CDK19: variants seen among roughly 807,000 people sequenced by gnomAD.
CDK19 encodes cyclin dependent kinase 19, also known as cyclin-dependent kinase 19.
In CDK19, 20 loss-of-function variants were observed where a neutral mutation model predicts 68.3. That is an observed-to-expected ratio of 0.29 (90% CI 0.21 to 0.43). CDK19 has a LOEUF of 0.43. Among genes scored for constraint, CDK19 ranks in the 20% least tolerant of loss-of-function variants. The pLI is 1.00. For missense variants in CDK19, 339 were observed against 623.5 expected (o/e 0.54, Z 4.86); for synonymous variants, 221 against 222.8 (o/e 0.99, Z 0.07).
At chr6:110,775,756 A>G (rs770547081) in intron 1 of CDK19, among the ~76,000 whole-genome samples, 127 of 152,376 alleles carry the variant, frequency 8.3e-4, no homozygotes, top group Admixed American at 4.5e-3. Context: ...AGAGAGAGGC[A>G]TATTATCTTC....
intron 2 of CDK19, among the ~76,000 whole-genome samples, chr6:110,718,561 C>A (rs1199826311): frequency 6.8e-6 from 1 of 147,394 alleles, no homozygotes; most frequent in African/African-American, 2.5e-5. Context: ...CCTAGAAAGG[C>A]AAGACTATTA....
At chr6:110,740,611 C>T (rs11755241) in intron 2 of CDK19, among the ~76,000 whole-genome samples, 28,923 of 152,100 alleles carry the variant, frequency 0.19, 2,821 homozygotes, top group South Asian at 0.24. Context: ...AGCTCTTTAA[C>T]TTATTTTCCC....
At chr6:110,712,100 G>A (rs1255068818) in intron 2 of CDK19, among the ~76,000 whole-genome samples, 1 of 152,172 alleles carries the variant, frequency 6.6e-6, no homozygotes, top group African/African-American at 2.4e-5. Context: ...CCCAAATGAT[G>A]TTATGTAGGC....
intron 12 of CDK19, among the ~76,000 whole-genome samples, chr6:110,617,660 TATACACACAC>T (rs1165574767): frequency 7.3e-4 from 49 of 66,822 alleles, no homozygotes; most frequent in Middle Eastern, 0.011. Context: ...TTTATATATA[TATACACACAC>T]ACACACACAC....
chr6:110,728,556 A>G (rs1404501421), intron 2 of CDK19, among the ~76,000 whole-genome samples: 1 of 150,344 alleles, frequency 6.7e-6, no homozygotes, highest in Non-Finnish European at 1.5e-5. Context: ...ATCTATTGAT[A>G]CCATAGTCAG....
At chr6:110,688,680 C>A (rs1178065166) in intron 2 of CDK19, among the ~76,000 whole-genome samples, 3 of 152,114 alleles carry the variant, frequency 2.0e-5, no homozygotes, top group Admixed American at 6.5e-5. Flanking sequence ...AGCACAGGAG[C>A]TGATTTAGGG....
chr6:110,742,642 C>CT (rs1777768007), intron 2 of CDK19, among the ~76,000 whole-genome samples: 1 of 152,132 alleles, frequency 6.6e-6, no homozygotes, highest in African/African-American at 2.4e-5. Context: ...GGGGGGAGGT[C>CT]TATAAACGGC....
intron 2 of CDK19, among the ~76,000 whole-genome samples, chr6:110,696,866 C>G (rs1272095573): frequency 6.6e-6 from 1 of 152,082 alleles, no homozygotes; most frequent in Non-Finnish European, 1.5e-5. Context: ...TGAGACCAGC[C>G]TGGGCAACAT....
At chr6:110,716,754 CTATA>C (rs1775435229) in intron 2 of CDK19, among the ~76,000 whole-genome samples, 2 of 152,064 alleles carry the variant, frequency 1.3e-5, no homozygotes, top group Admixed American at 1.3e-4. Context: ...TCTCTACTCT[CTATA>C]TATTCTTCTC....
intron 2 of CDK19, among the ~76,000 whole-genome samples, chr6:110,696,721 A>G (rs1773516514): frequency 6.6e-6 from 1 of 152,130 alleles, no homozygotes; most frequent in South Asian, 2.1e-4. Context: ...CAGGATTTCG[A>G]GACCAGCCTG....
intron 1 of CDK19, among the ~76,000 whole-genome samples, chr6:110,798,183 G>A (rs1357337906): frequency 1.3e-5 from 2 of 151,936 alleles, no homozygotes; most frequent in Non-Finnish European, 2.9e-5. Context: ...ATGCCACCCA[G>A]TGTAACAGAA....
chr6:110,781,683 A>G (rs1469249289), intron 1 of CDK19, among the ~76,000 whole-genome samples: 1 of 152,070 alleles, frequency 6.6e-6, no homozygotes, highest in Non-Finnish European at 1.5e-5. Context: ...TCTCTACAAA[A>G]AAATACAAAA....
chr6:110,801,534 CA>C (rs1411713596), intron 1 of CDK19, among the ~76,000 whole-genome samples: 2 of 151,598 alleles, frequency 1.3e-5, no homozygotes, highest in East Asian at 3.9e-4. Flanking sequence ...TTTTTTGAGA[CA>C]GGGTTTTGCA....
At chr6:110,741,569 CAAGT>C (rs1284419068) in intron 2 of CDK19, among the ~76,000 whole-genome samples, 1 of 151,034 alleles carries the variant, frequency 6.6e-6, no homozygotes, top group African/African-American at 2.4e-5. Flanking sequence ...CAACAAACTC[CAAGT>C]AAGATAACTC....
At chr6:110,633,763 A>G (rs1779593049) in intron 5 of CDK19, among the ~76,000 whole-genome samples, 1 of 152,338 alleles carries the variant, frequency 6.6e-6, no homozygotes, top group Non-Finnish European at 1.5e-5. Context: ...TTGAATCCTC[A>G]TAAGAACACT....
intron 1 of CDK19, among the ~76,000 whole-genome samples, chr6:110,811,245 C>T (rs1783068422): frequency 1.3e-5 from 2 of 152,066 alleles, no homozygotes; most frequent in South Asian, 4.1e-4. Context: ...TGTGAAAAAC[C>T]CATCAAACAC....
chr6:110,707,087 G>A (rs898647269), intron 2 of CDK19, among the ~76,000 whole-genome samples: 3 of 151,048 alleles, frequency 2.0e-5, no homozygotes, highest in Admixed American at 6.6e-5. Flanking sequence ...GAGGCAGGCC[G>A]ATCACCTGAG....
At chr6:110,653,181 T>C (rs1038564879) in intron 4 of CDK19, among the ~76,000 whole-genome samples, 1 of 152,178 alleles carries the variant, frequency 6.6e-6, no homozygotes, top group African/African-American at 2.4e-5. Flanking sequence ...TCAAAGCATT[T>C]CACATCCATC....
At chr6:110,640,831 C>A (rs1359743740) in intron 4 of CDK19, among the ~76,000 whole-genome samples, 2 of 151,998 alleles carry the variant, frequency 1.3e-5, no homozygotes, top group African/African-American at 2.4e-5. Flanking sequence ...GTGGCACATG[C>A]CTGTGGTCCC....
Sources: gnomAD v4.1 joint callset for allele counts (sites outside exome capture counted in the v4.1 genomes callset) on GRCh38, gnomAD v4.1.1 for gene constraint, MANE v1.5 for transcripts, NCBI Gene and HGNC (gene_info 2026-07-23, HGNC 2026-07-21) for gene names.